The following RPN2 variants were observed in gnomAD, a reference collection of about 807,000 sequenced individuals.
The protein encoded by RPN2 is ribophorin II.
A neutral mutation model predicts 71.4 loss-of-function variants in RPN2; 29 were observed. That is an observed-to-expected ratio of 0.41 (90% CI 0.30 to 0.55). RPN2 has a LOEUF of 0.55. Among genes scored for constraint, RPN2 ranks in the 20% least tolerant of loss-of-function variants. RPN2 has a pLI of 0.35. For missense variants in RPN2, 726 were observed against 774.1 expected, an observed-to-expected ratio of 0.94 and a Z score of 0.74; for synonymous variants, 308 against 305.0, an observed-to-expected ratio of 1.01 and a Z score of -0.10.
intron 11 of RPN2, among the ~76,000 whole-genome samples, 150 bp from the exon 12 acceptor site, chr20:37,228,380 ACTAGGGTGGCATGGCCACTC>A (rs1172119968): frequency 1.3e-5 from 2 of 152,206 alleles, no homozygotes; most frequent in Non-Finnish European, 2.9e-5. Context: ...TGAGCTGGGA[ACTAGGGTGGCATGGCCACTC>A]CTTCTACTCT....
At chr20:37,233,033 T>C (rs1257358981) in intron 14 of RPN2, among the ~76,000 whole-genome samples, 2 of 151,626 alleles carry the variant, frequency 1.3e-5, no homozygotes, top group Admixed American at 6.6e-5. Context: ...CTGGGCAACA[T>C]AGCAAGACCC....
Position 37,228,658 on chromosome 20 carries a change from A to G in RPN2, c.1408A>G (p.Ile470Val), listed in dbSNP as rs1407239796. Reference protein sequence around the residue: ...KFELDTSERKIEFDSASGTYT... With the variant: ...KFELDTSERKVEFDSASGTYT... ...TGAACTGGATACCTCTGAAAGAAAG[A>G]TTGAATTTGACTCTGCCTCTGGCAC... Residue 470 changes from isoleucine to valine, a missense_variant, in exon 12 of 17, where the codon ATT becomes GTT. Coordinates refer to ENST00000237530, the MANE Select transcript of RPN2 (RefSeq NM_002951.5). 13 of 1,614,090 alleles carry G rather than the reference A, an allele frequency of 8.1e-6. No individual in the cohort carries two copies. Among genetic ancestry groups the G allele is most frequent in the Non-Finnish European group, 1.0e-5 (12 of 1,180,020 alleles).
intron 1 of RPN2, among the ~76,000 whole-genome samples, chr20:37,180,034 C>T (rs1245436432): frequency 6.6e-6 from 1 of 152,182 alleles, no homozygotes; most frequent in Non-Finnish European, 1.5e-5. Context: ...GTGCATGGCC[C>T]TAGGTAAGAA....
chr20:37,189,536 A>G (rs2067094875), intron 2 of RPN2, among the ~76,000 whole-genome samples: 1 of 152,220 alleles, frequency 6.6e-6, no homozygotes, highest in Non-Finnish European at 1.5e-5. Context: ...CCTGACAACC[A>G]GCTCTCCGTT....
intron 15 of RPN2, among the ~76,000 whole-genome samples, chr20:37,235,900 TC>T (rs2068374401): frequency 6.6e-6 from 1 of 152,164 alleles, no homozygotes; most frequent in African/African-American, 2.4e-5. Flanking sequence ...TCCTTCTGCC[TC>T]GGCCTCCCAA....
Position 37,204,849 on chromosome 20 carries a change from C to A in RPN2, c.638C>A (p.Ala213Asp). 6.2e-7 allele frequency: 1 copy of A among 1,614,142 alleles called. No individual in the cohort carries two copies. Among genetic ancestry groups the A allele is most frequent in the Non-Finnish European group, 8.5e-7 (1 of 1,180,028 alleles). The change falls in exon 6 of 17, where the codon GCT becomes GAT. Residue 213 changes from alanine to aspartate, a missense_variant. Transcript: ENST00000237530. Reference protein sequence around the residue: ...EGLETTALFVAATYKLMDHVG... With the variant: ...EGLETTALFVDATYKLMDHVG... ...CTGGAAACAACAGCGTTATTTGTGG[C>A]TGCCACCTACAAGCTCATGGATCAT...
rs1600852571 is a variant in RPN2, at chr20:37,236,463, G to A, written c.1754-117G>A. The stretch of plus-strand genomic sequence containing the variant: ...GCATCAGAGCAAAGGAATAAAACAA[G>A]CTGGTATAGGAGTACAGACCTTTTC... On this transcript the variant is annotated intron_variant, in intron 15 of 16. Transcript: ENST00000237530. The A allele has an allele frequency of 4.6e-6, 5 of 1,078,736 alleles. No homozygotes were observed. In the East Asian group the frequency reaches 1.2e-4, roughly 26 times the overall value. The allele number at this position is 1,078,736 out of a possible 1,614,324, so 66.8% of individuals were successfully genotyped here. A position where few individuals can be genotyped will look rare whatever the true frequency, so the allele number is the denominator to read the frequency against.
At chr20:37,182,072 T>G (rs1398246997) in intron 1 of RPN2, among the ~76,000 whole-genome samples, 2 of 151,910 alleles carry the variant, frequency 1.3e-5, no homozygotes, top group Non-Finnish European at 2.9e-5. Flanking sequence ...AGATTTTTTC[T>G]TTTTTTAATT....
In RPN2 at chr20:37,210,177, T is replaced by C. The variant is rs770144849; in HGVS notation, c.986+12T>C. 1 of 1,613,638 alleles carries C rather than the reference T, an allele frequency of 6.2e-7. No individual in the cohort carries two copies. The highest frequency in any genetic ancestry group is 2.2e-5 in the East Asian group (1 of 44,870). On this transcript the variant is annotated intron_variant, in intron 8 of 16. Coordinates refer to ENST00000237530, the MANE Select transcript of RPN2 (RefSeq NM_002951.5). Reference sequence around the variant, plus strand: ...TTCACCCCTGTAGGGTAAGTCCTGATCATATTTTGGTGGGGCGCTGACCTC... The same window carrying C: ...TTCACCCCTGTAGGGTAAGTCCTGACCATATTTTGGTGGGGCGCTGACCTC...
chr20:37,195,714 C>G (rs996571328), intron 2 of RPN2, among the ~76,000 whole-genome samples: 2 of 152,270 alleles, frequency 1.3e-5, no homozygotes, highest in South Asian at 2.1e-4. Flanking sequence ...TGTTGTCGTT[C>G]CATTGTTAAA....
chr20:37,182,049 T>C (rs2066895392), intron 1 of RPN2, among the ~76,000 whole-genome samples: 1 of 152,086 alleles, frequency 6.6e-6, no homozygotes, highest in Non-Finnish European at 1.5e-5. Flanking sequence ...ATTTGATGAA[T>C]ACACCACGTG....
intron 8 of RPN2, among the ~76,000 whole-genome samples, chr20:37,212,856 T>C (rs894282683): frequency 5.3e-5 from 8 of 152,162 alleles, no homozygotes; most frequent in African/African-American, 1.9e-4. Flanking sequence ...GAAAATGCGT[T>C]TCTTAATCAT....
intron 4 of RPN2, 117 bp from the exon 5 acceptor site, chr20:37,203,768 A>G (rs548218507): frequency 2.6e-5 from 20 of 771,552 alleles, no homozygotes; most frequent in South Asian, 2.5e-4. Context: ...GGCTGAGACC[A>G]ACTTGTACTT....
intron 15 of RPN2, 81 bp from the exon 16 acceptor site, chr20:37,236,499 A>G: frequency 6.9e-7 from 1 of 1,448,018 alleles, no homozygotes; most frequent in Non-Finnish European, 9.6e-7. Flanking sequence ...ATGATCCAAC[A>G]GTTGCTATGT....
rs1261271200 is a variant in RPN2 at position 37,217,303 on chromosome 20, T to TA, written c.1092+3438_1092+3439insA. On this transcript the variant is annotated intron_variant, in intron 9 of 16. Coordinates refer to ENST00000237530, the MANE Select transcript of RPN2 (RefSeq NM_002951.5). ...TTATTATTATTATTATTATTATTCT[T>TA]TTTTTTTTGAAACAGAGTCTCGCTC... 6.2e-3 allele frequency among the ~76,000 whole-genome samples: 893 copies of TA among 143,758 alleles called. 8 individuals are homozygous for TA. Among genetic ancestry groups the TA allele is most frequent in the African/African-American group, 0.021 (857 of 40,508 alleles). 94.3% of individuals were successfully genotyped at this position (143,758 alleles called of 152,430 possible). A position where few individuals can be genotyped will look rare whatever the true frequency, so the allele number is the denominator to read the frequency against.
intron 4 of RPN2, among the ~76,000 whole-genome samples, chr20:37,203,037 A>G (rs953935307): frequency 2.0e-5 from 3 of 152,090 alleles, no homozygotes; most frequent in African/African-American, 7.2e-5. Context: ...TGATCCTCCT[A>G]CCTCAGCCTC....
rs144538512 is a variant in RPN2, at chr20:37,184,354, C to T, written c.188C>T (p.Ala63Val). 400 of 1,614,198 alleles carry T rather than the reference C, an allele frequency of 2.5e-4. No homozygotes were observed. The Middle Eastern group carries it at 4.9e-3, about 20-fold the overall frequency. ...YSIVGLSSLGAQVPDAKKACT... is the reference protein window; with the variant it reads ...YSIVGLSSLGVQVPDAKKACT... ...ATCGTGGGACTCAGCAGCCTTGGTG[C>T]TCAGGTGCCAGATGCAAAGGTAAGG... is the stretch of plus-strand genomic sequence containing the variant. Residue 63 changes from alanine to valine, a missense_variant, in exon 2 of 17, where the codon GCT becomes GTT. Transcript: ENST00000237530.
At chr20:37,188,462 A>T (rs2067064970) in intron 2 of RPN2, among the ~76,000 whole-genome samples, 1 of 151,716 alleles carries the variant, frequency 6.6e-6, no homozygotes, top group South Asian at 2.1e-4. Flanking sequence ...CCATTGTCGT[A>T]CTTTTTAACC....
chr20:37,235,944 C>T (rs2068375395), intron 15 of RPN2, among the ~76,000 whole-genome samples: 1 of 152,040 alleles, frequency 6.6e-6, no homozygotes, highest in African/African-American at 2.4e-5. Flanking sequence ...GCTCCCGCAC[C>T]CAGCCTATTT....
Sources: gnomAD v4.1 joint callset for allele counts (sites outside exome capture counted in the v4.1 genomes callset) on GRCh38, gnomAD v4.1.1 for gene constraint, MANE v1.5 for transcripts, NCBI Gene and HGNC (gene_info 2026-07-23, HGNC 2026-07-21) for gene names.